ATP8B4: variants seen among roughly 807,000 people sequenced by gnomAD.
ATP8B4 encodes the protein ATPase phospholipid transporting 8B4 (putative), also known as probable phospholipid-transporting ATPase IM.
In ATP8B4, 133 loss-of-function variants were observed where a neutral mutation model predicts 145.6. The ratio of observed to expected loss-of-function variants is 0.91; its 90% CI spans 0.79 to 1.05. The LOEUF is 1.05. Ranked by LOEUF, ATP8B4 falls within the 50% of genes least tolerant of loss-of-function variation. ATP8B4 has a pLI of 0.00. For synonymous variants in ATP8B4, 507 were observed against 492.9 expected (o/e 1.03, Z -0.38); for missense variants, 1,458 against 1,425.2 (o/e 1.02, Z -0.37).
In ATP8B4 at chr15:49,961,991, T is replaced by A; in HGVS notation, c.1273A>T (p.Thr425Ser). The change falls in exon 14 of 28, where the codon ACA (threonine) becomes TCA (serine). Residue 425 changes from threonine (T) to serine (S), a missense_variant. Physicochemically the swap from Thr to Ser is moderately conservative, Grantham distance 58 (BLOSUM62 1). Coordinates refer to ENST00000284509, the MANE Select transcript of ATP8B4 (RefSeq NM_024837.4). ...CACTTCCACACCTGAGTTATTTCTG[T>A]CTTCTGATCCAGGTCATCATGTACT... ...GEVHDDLDQK[T>S]EITQEKEPVD... 8 of 1,596,586 alleles carry A rather than the reference T, an allele frequency of 5.0e-6. No individual in the cohort carries two copies. Among genetic ancestry groups the A allele is most frequent in the Non-Finnish European group, 6.8e-6 (8 of 1,174,864 alleles).
intron 3 of ATP8B4, among the ~76,000 whole-genome samples, chr15:50,050,480 A>G (rs762005257): frequency 2.0e-5 from 3 of 152,102 alleles, no homozygotes; most frequent in Admixed American, 2.0e-4. Flanking sequence ...CATATTTCCT[A>G]TTACACCAGC....
At position 50,043,278 on chromosome 15, in the gene ATP8B4, T is replaced by C. The variant is rs2051448160; in HGVS notation, c.300+1316A>G. On this transcript the variant is annotated intron_variant, in intron 5 of 27. Coordinates refer to ENST00000284509, the MANE Select transcript of ATP8B4 (RefSeq NM_024837.4). ...TTGTCTTTGAGTGAGAATGACTTCC[T>C]TTGGGTTATGCAGACTTTAAAATTC... Among the ~76,000 whole-genome samples the C allele has an allele frequency of 2.0e-5, 3 of 152,352 alleles. No homozygotes were observed. In the South Asian group the frequency reaches 6.2e-4, roughly 32 times the overall value.
intron 2 of ATP8B4, among the ~76,000 whole-genome samples, chr15:50,083,667 C>T (rs1014431422): frequency 2.6e-5 from 4 of 152,146 alleles, no homozygotes; most frequent in Non-Finnish European, 5.9e-5. Context: ...AGGGGTTGCA[C>T]AGGAAGCTTT....
chr15:49,871,004 T>C (rs2033591922), intron 25 of ATP8B4, among the ~76,000 whole-genome samples: 1 of 152,240 alleles, frequency 6.6e-6, no homozygotes, highest in Non-Finnish European at 1.5e-5. Flanking sequence ...ACGAATTCCC[T>C]GTACTTACTA....
chr15:50,019,182 C>A (rs2049333579), intron 6 of ATP8B4, among the ~76,000 whole-genome samples: 1 of 152,100 alleles, frequency 6.6e-6, no homozygotes, highest in Non-Finnish European at 1.5e-5. Context: ...AATTTTACAC[C>A]TTTAAAGAAG....
At chr15:50,136,687 T>G (rs927290848) in intron 1 of ATP8B4, among the ~76,000 whole-genome samples, 5 of 152,208 alleles carry the variant, frequency 3.3e-5, no homozygotes, top group African/African-American at 1.2e-4. Context: ...AGGACAAACT[T>G]TGTGTGTCTT....
intron 3 of ATP8B4, among the ~76,000 whole-genome samples, chr15:50,059,518 TTGAA>T (rs751196247): frequency 1.3e-5 from 2 of 152,138 alleles, no homozygotes; most frequent in East Asian, 1.9e-4. Context: ...CCCCTGTTCC[TTGAA>T]TGAATGAATG....
At chr15:49,863,919 G>C (rs1442509727) in intron 26 of ATP8B4, among the ~76,000 whole-genome samples, 1 of 152,168 alleles carries the variant, frequency 6.6e-6, no homozygotes, top group Non-Finnish European at 1.5e-5. Flanking sequence ...CTGGAAAAGA[G>C]TGGTCCCTGC....
intron 1 of ATP8B4, among the ~76,000 whole-genome samples, chr15:50,160,220 T>C (rs1012293300): frequency 5.9e-5 from 9 of 151,880 alleles, no homozygotes; most frequent in Admixed American, 3.3e-4. Context: ...ATCCTTTCCA[T>C]TTCTGCAGTA....
At chr15:50,173,027 C>T (rs1337819859) in intron 1 of ATP8B4, among the ~76,000 whole-genome samples, 2 of 124,232 alleles carry the variant, frequency 1.6e-5, no homozygotes, top group South Asian at 2.5e-4. Flanking sequence ...AGCCCCCATC[C>T]GGGAGGTGGG....
chr15:50,175,718 G>T (rs1177141438), intron 1 of ATP8B4, among the ~76,000 whole-genome samples: 1 of 152,062 alleles, frequency 6.6e-6, no homozygotes, highest in Non-Finnish European at 1.5e-5. Context: ...GCATGGATGT[G>T]GTAAACAAGA....
chr15:49,887,990 T>A (rs1210733905), intron 23 of ATP8B4, among the ~76,000 whole-genome samples: 1 of 152,234 alleles, frequency 6.6e-6, no homozygotes, highest in African/African-American at 2.4e-5. Flanking sequence ...TTTGGAGATG[T>A]GTATCCCCCT....
At chr15:50,131,286 G>T (rs995596173) in intron 1 of ATP8B4, among the ~76,000 whole-genome samples, 1 of 152,160 alleles carries the variant, frequency 6.6e-6, no homozygotes, top group Non-Finnish European at 1.5e-5. Flanking sequence ...TAGCTATGCA[G>T]TACTTAATAG....
At chr15:49,951,030 T>C (rs546025575) in intron 14 of ATP8B4, among the ~76,000 whole-genome samples, 15 of 152,174 alleles carry the variant, frequency 9.9e-5, no homozygotes, top group Non-Finnish European at 1.6e-4. Context: ...TAATCCTGAG[T>C]TCTAATTTAA....
At chr15:50,073,019 TACACAC>T (rs373934302) in intron 3 of ATP8B4, among the ~76,000 whole-genome samples, 1,025 of 32,202 alleles carry the variant, frequency 0.032, 29 homozygotes, top group Admixed American at 0.04. Context: ...TATATATATA[TACACAC>T]ACACACACAC....
At chr15:50,059,109 G>A (rs1204700228) in intron 3 of ATP8B4, among the ~76,000 whole-genome samples, 1 of 152,202 alleles carries the variant, frequency 6.6e-6, no homozygotes, top group Non-Finnish European at 1.5e-5. Flanking sequence ...GCTTGAGATA[G>A]TCTGAGTTAA....
At chr15:50,123,738 C>A (rs2057288907), upstream of ATP8B4, among the ~76,000 whole-genome samples, 1 of 152,118 alleles carries the variant, frequency 6.6e-6, no homozygotes, top group Admixed American at 6.6e-5. Flanking sequence ...TTGGCTCTGT[C>A]CAGGCAGCAG....
At chr15:50,107,229 G>A (rs940591021) in intron 1 of ATP8B4, among the ~76,000 whole-genome samples, 24 of 152,176 alleles carry the variant, frequency 1.6e-4, no homozygotes, top group African/African-American at 5.8e-4. Flanking sequence ...GACAACTCAA[G>A]GTAAGCACAA....
At chr15:50,131,162 A>C (rs897785063) in intron 1 of ATP8B4, among the ~76,000 whole-genome samples, 1 of 152,158 alleles carries the variant, frequency 6.6e-6, no homozygotes, top group Non-Finnish European at 1.5e-5. Flanking sequence ...CCTCCACCTG[A>C]TCTCTCCTTG....
Sources: allele counts gnomAD v4.1 joint callset (sites outside exome capture counted in the v4.1 genomes callset), GRCh38; gene constraint gnomAD v4.1.1; transcripts MANE v1.5; gene names NCBI Gene and HGNC (gene_info 2026-07-23, HGNC 2026-07-21).